The following JAK2 variants were observed in gnomAD, a reference collection of about 807,000 sequenced individuals.
JAK2 encodes the protein tyrosine-protein kinase JAK2.
A neutral mutation model predicts 139.3 loss-of-function variants in JAK2; 86 were observed. That is an observed-to-expected ratio of 0.62 (90% CI 0.52 to 0.74). JAK2 has a LOEUF of 0.74. Ranked by LOEUF, JAK2 falls within the 30% of genes least tolerant of loss-of-function variation. The pLI is 0.00. For missense variants in JAK2, 1,421 were observed against 1,360.3 expected, an observed-to-expected ratio of 1.04 and a Z score of -0.70; for synonymous variants, 490 against 437.7, an observed-to-expected ratio of 1.12 and a Z score of -1.49.
intron 3 of JAK2, among the ~76,000 whole-genome samples, chr9:5,023,689 C>T (rs118138412): frequency 0.015 from 2,276 of 152,298 alleles, 11 homozygotes; most frequent in South Asian, 0.024. Context: ...TCCTTCCTTG[C>T]TTTTCTGTTG....
At chr9:5,052,450 C>G (rs920440936) in intron 6 of JAK2, among the ~76,000 whole-genome samples, 1 of 151,654 alleles carries the variant, frequency 6.6e-6, no homozygotes, top group African/African-American at 2.4e-5. Context: ...AGATATTAAA[C>G]ATTCATATAA....
At chr9:5,062,587 A>G (rs921350682) in intron 8 of JAK2, among the ~76,000 whole-genome samples, 3 of 149,170 alleles carry the variant, frequency 2.0e-5, no homozygotes, top group South Asian at 2.2e-4. Flanking sequence ...ATGTGTCTGT[A>G]TATCAATAAG....
intron 22 of JAK2, chr9:5,110,649 G>A (rs751705583): frequency 1.4e-4 from 31 of 214,746 alleles, no homozygotes; most frequent in Non-Finnish European, 2.8e-4. Flanking sequence ...CCTTATTATC[G>A]AAACCACAAA....
At chr9:5,098,716 C>CAT (rs1821223230) in intron 22 of JAK2, 1 of 147,086 alleles carries the variant, frequency 6.8e-6, no homozygotes. Flanking sequence ...TTTTTTGAGA[C>CAT]AGAGTCTCGC....
chr9:5,107,163 T>A (rs1035424316), intron 22 of JAK2, among the ~76,000 whole-genome samples: 2 of 152,154 alleles, frequency 1.3e-5, no homozygotes, highest in African/African-American at 4.8e-5. Flanking sequence ...CCTACTCTTT[T>A]AGTATAAAGA....
intron 22 of JAK2, among the ~76,000 whole-genome samples, chr9:5,116,842 TATA>T (rs1392908071): frequency 6.6e-6 from 1 of 152,246 alleles, no homozygotes; most frequent in African/African-American, 2.4e-5. Context: ...AAGTCATATG[TATA>T]ATATGGCACT....
chr9:5,025,872 C>A (rs549019991), intron 3 of JAK2, among the ~76,000 whole-genome samples: 1 of 152,282 alleles, frequency 6.6e-6, no homozygotes, highest in Non-Finnish European at 1.5e-5. Flanking sequence ...ATTAATGAAT[C>A]TTTTTAAAGT....
In JAK2 at chr9:5,000,124, T is replaced by C. The variant is rs73391398; in HGVS notation, c.-26+14102T>C. ...ATTGTAAGAGTTACTTGTATAAATATATTAAACCTTTGTAGTATATATTTT... is the reference window on the plus strand; with the variant it reads ...ATTGTAAGAGTTACTTGTATAAATACATTAAACCTTTGTAGTATATATTTT... On this transcript the variant is annotated intron_variant, in intron 2 of 24. Transcript: ENST00000381652. 6.4e-3 allele frequency among the ~76,000 whole-genome samples: 969 copies of C among 152,298 alleles called. 13 individuals are homozygous for C. The highest frequency in any genetic ancestry group is 0.022 in the African/African-American group (925 of 41,564).
At chr9:5,038,510 C>T (rs780818896) in intron 4 of JAK2, among the ~76,000 whole-genome samples, 3 of 151,040 alleles carry the variant, frequency 2.0e-5, no homozygotes, top group Non-Finnish European at 4.4e-5. Context: ...AGAAAATCAA[C>T]AAAATACTTG....
chr9:5,022,405 G>T (rs1587837766), intron 3 of JAK2, among the ~76,000 whole-genome samples, 192 bp downstream of exon 3: 1 of 151,948 alleles, frequency 6.6e-6, no homozygotes, highest in Non-Finnish European at 1.5e-5. Flanking sequence ...CCTTGGGCTA[G>T]GTATCAAAAC....
intron 2 of JAK2, among the ~76,000 whole-genome samples, chr9:5,015,769 T>G (rs115546853): frequency 0.014 from 2,162 of 152,328 alleles, 64 homozygotes; most frequent in African/African-American, 0.05. Flanking sequence ...TTGAATTCAT[T>G]TAAATTCGGG....
At chr9:4,984,949 C>T (rs1314956752), upstream of JAK2, 2 of 152,304 alleles carry the variant, frequency 1.3e-5, no homozygotes, top group Non-Finnish European at 2.9e-5. Flanking sequence ...TCCACGCGCG[C>T]TCGCCGGCTT....
At chr9:5,104,992 C>G (rs1165544559) in intron 22 of JAK2, among the ~76,000 whole-genome samples, 1 of 152,170 alleles carries the variant, frequency 6.6e-6, no homozygotes, top group East Asian at 1.9e-4. Flanking sequence ...CCTTTGAAAA[C>G]TGGCAAAAGA....
At position 5,127,509 on chromosome 9, in the gene JAK2, T is replaced by A. The variant is rs1001060678; in HGVS notation, c.*718T>A. ...TTGAAATGAAACAAGCTTACAAAGA[T>A]ATAATCTATTTTATTATGGTTTCCC... On this transcript the variant is annotated 3_prime_UTR_variant, in exon 25 of 25. Transcript: ENST00000381652. 1.3e-4 allele frequency: 30 copies of A among 231,192 alleles called. No homozygotes were observed. Among genetic ancestry groups the A allele is most frequent in the African/African-American group, 6.4e-4 (29 of 45,236 alleles). 14.3% of individuals were successfully genotyped at this position (231,192 alleles called of 1,614,324 possible).
intron 8 of JAK2, among the ~76,000 whole-genome samples, chr9:5,057,773 G>C (rs1817872092): frequency 6.6e-6 from 1 of 151,708 alleles, no homozygotes; most frequent in African/African-American, 2.4e-5. Flanking sequence ...AGTAGAGACG[G>C]GGTTTCACCA....
intron 22 of JAK2, among the ~76,000 whole-genome samples, chr9:5,121,065 G>A (rs1489410087): frequency 6.6e-6 from 1 of 152,150 alleles, no homozygotes; most frequent in Non-Finnish European, 1.5e-5. Context: ...GAATAAATCT[G>A]ATGAAGAGAC....
chr9:4,995,206 A>C (rs546959457), intron 2 of JAK2, among the ~76,000 whole-genome samples: 3 of 152,178 alleles, frequency 2.0e-5, no homozygotes, highest in South Asian at 4.2e-4. Flanking sequence ...ATCTTGGCCC[A>C]CTTTCTATTG....
At chr9:5,106,404 C>G (rs895785649) in intron 22 of JAK2, among the ~76,000 whole-genome samples, 1 of 152,180 alleles carries the variant, frequency 6.6e-6, no homozygotes, top group African/African-American at 2.4e-5. Flanking sequence ...ACAACAGATG[C>G]TGGAGAAGAT....
chr9:4,997,366 C>G (rs1308176106), intron 2 of JAK2, among the ~76,000 whole-genome samples: 2 of 152,242 alleles, frequency 1.3e-5, no homozygotes, highest in East Asian at 1.9e-4. Flanking sequence ...TCTGGGGAGT[C>G]CTCCGGGAGC....
Sources: allele counts gnomAD v4.1 joint callset (sites outside exome capture counted in the v4.1 genomes callset), GRCh38; gene constraint gnomAD v4.1.1; transcripts MANE v1.5; gene names NCBI Gene and HGNC (gene_info 2026-07-23, HGNC 2026-07-21).